COL15A1: variants seen among roughly 807,000 people sequenced by gnomAD.
COL15A1 encodes collagen alpha-1(XV) chain.
A neutral mutation model predicts 165.9 loss-of-function variants in COL15A1; 111 were observed. That is an observed-to-expected ratio of 0.67 (90% confidence interval 0.57 to 0.78). COL15A1 has a LOEUF of 0.78. COL15A1 is among the 30% of genes least tolerant of loss of function. COL15A1 has a pLI of 0.00. For synonymous variants in COL15A1, 659 were observed against 674.8 expected, an observed-to-expected ratio of 0.98 and a Z score of 0.36; for missense variants, 1,745 against 1,789.7, an observed-to-expected ratio of 0.98 and a Z score of 0.45.
chr9:98,989,771 GT>G (rs1360036037), intron 5 of COL15A1, among the ~76,000 whole-genome samples: 1 of 152,192 alleles, frequency 6.6e-6, no homozygotes, highest in African/African-American at 2.4e-5. Flanking sequence ...CCCCAGTCTT[GT>G]GAGTCACAGA....
In COL15A1 at chr9:99,041,039, C is replaced by G. The variant is rs1486277477; in HGVS notation, c.2511+483C>G. 1.2e-5 allele frequency: 2 copies of G among 166,822 alleles called. 1 individual carries two copies. Among genetic ancestry groups the G allele is most frequent in the East Asian group, 3.2e-4 (2 of 6,326 alleles). The allele number at this position is 166,822 out of a possible 1,614,324, so 10.3% of individuals were successfully genotyped here. On this transcript the variant is annotated intron_variant, in intron 23 of 41. Transcript: ENST00000375001. ...AAGACCTGGGGCACATTTCAGAGCA[C>G]ACTTTCCTCTAAATGAGTGGTCCTG...
intron 36 of COL15A1, among the ~76,000 whole-genome samples, chr9:99,060,237 TATA>T (rs1564093484): frequency 1.1e-5 from 1 of 89,588 alleles, no homozygotes; most frequent in African/African-American, 4.5e-5. Context: ...TATATTTTTA[TATA>T]TATATATATA....
chr9:99,062,992 C>T, intron 38 of COL15A1, 58 bp from the exon 39 acceptor site: 1 of 1,557,764 alleles, frequency 6.4e-7, no homozygotes, highest in South Asian at 1.2e-5. Context: ...TCAATACACT[C>T]TGAAGAACAG....
chr9:99,034,061 A>G (rs1395892649), intron 16 of COL15A1, among the ~76,000 whole-genome samples: 3 of 152,128 alleles, frequency 2.0e-5, no homozygotes, highest in African/African-American at 7.2e-5. Flanking sequence ...TCTTCTGGGG[A>G]CTACTCCAGC....
chr9:99,050,673 A>T (rs2117881578), intron 30 of COL15A1, among the ~76,000 whole-genome samples: 1 of 152,354 alleles, frequency 6.6e-6, no homozygotes, highest in Non-Finnish European at 1.5e-5. Context: ...TTGAGCACTT[A>T]TGCAGTGCTA....
chr9:98,943,921 C>T lies in COL15A1; in HGVS notation c.-141C>T, dbSNP rs1837529807. ...CGGGAGCCGGGATTCTGCCCGCCGC[C>T]GCCGCTGCCGAGCGCCGCCTTTGTT... On this transcript the variant is annotated 5_prime_UTR_variant, in exon 1 of 42. Coordinates refer to ENST00000375001, the MANE Select transcript of COL15A1 (RefSeq NM_001855.5). The T allele has an allele frequency of 8.8e-7, 1 of 1,140,258 alleles. No homozygotes were observed. Among genetic ancestry groups the T allele is most frequent in the Non-Finnish European group, 1.2e-6 (1 of 856,844 alleles). 70.6% of individuals were successfully genotyped at this position (1,140,258 alleles called of 1,614,324 possible).
At chr9:98,979,927 G>A (rs1220885657) in intron 2 of COL15A1, among the ~76,000 whole-genome samples, 1 of 152,110 alleles carries the variant, frequency 6.6e-6, no homozygotes, top group Non-Finnish European at 1.5e-5. Context: ...GGAGGCCGAG[G>A]CAGGAGAATC....
Position 99,013,702 on chromosome 9 carries a change from G to T in COL15A1, c.1354-1715G>T, listed in dbSNP as rs192838596. Among the ~76,000 whole-genome samples, 267 of 152,262 alleles carry T rather than the reference G, an allele frequency of 1.8e-3. 2 individuals are homozygous for T. The highest frequency in any genetic ancestry group is 6.3e-3 in the African/African-American group (262 of 41,548). The stretch of plus-strand genomic sequence containing the variant: ...TACCCCCAAAAGCCAAAGAGGTCAG[G>T]TCTTACAATACAGGAGAGCAGAGCT... On this transcript the variant is annotated intron_variant, in intron 9 of 41. Transcript: ENST00000375001.
intron 2 of COL15A1, among the ~76,000 whole-genome samples, chr9:98,966,029 T>A (rs1335706801): frequency 2.0e-5 from 3 of 152,164 alleles, no homozygotes; most frequent in East Asian, 3.9e-4. Flanking sequence ...GGTTGGAAAG[T>A]GGATGCTGGT....
In COL15A1 at chr9:99,062,087, G is replaced by GA. The variant is rs773041610; in HGVS notation, c.3525dup (p.Leu1176IlefsTer39). On this transcript the variant is annotated frameshift_variant, in exon 37 of 42. Coordinates refer to ENST00000375001, the MANE Select transcript of COL15A1 (RefSeq NM_001855.5). LOFTEE classifies it high-confidence loss of function. ...TTTTCATTCGTGTTAGAGATGGCTG[G>GA]AAAAAATTACAGGTAATTTCTAAAC... The GA allele has an allele frequency of 4.3e-6, 7 of 1,613,610 alleles. No individual in the cohort carries two copies. The Admixed American group carries it at 5.0e-5, about 12-fold the overall frequency.
chr9:99,058,230 G>T (rs777879921), intron 35 of COL15A1, among the ~76,000 whole-genome samples: 5 of 152,224 alleles, frequency 3.3e-5, no homozygotes, highest in South Asian at 4.1e-4. Context: ...GAAAAGTCCT[G>T]GGATGGGGAA....
intron 5 of COL15A1, among the ~76,000 whole-genome samples, chr9:98,992,149 G>A (rs1403047595): frequency 4.6e-5 from 7 of 152,270 alleles, no homozygotes; most frequent in South Asian, 2.1e-4. Context: ...AACAGCCGCC[G>A]CAGAGCAGGG....
chr9:98,948,544 G>T (rs1305318862), intron 2 of COL15A1, among the ~76,000 whole-genome samples: 1 of 144,006 alleles, frequency 6.9e-6, no homozygotes, highest in Non-Finnish European at 1.5e-5. Flanking sequence ...GTTGCAGTGA[G>T]CCAAGATCGC....
chr9:99,033,179 C>CTGAGACA (rs1448761734), intron 16 of COL15A1, among the ~76,000 whole-genome samples: 5 of 152,196 alleles, frequency 3.3e-5, no homozygotes, highest in African/African-American at 1.2e-4. Context: ...GTAGCCCCTT[C>CTGAGACA]TGAGACATGC....
rs1277411892 is a variant in COL15A1 at position 99,054,624 on chromosome 9, A to G, written c.2999A>G (p.Glu1000Gly). ...TGGGGTCTTCCTGGCTCAAAGGGAG[A>G]AAAAGGCGACCAGGGAGCCCAGGGA... ...GSWGLPGSKG[E>G]KGDQGAQGPP... Residue 1000 changes from glutamate to glycine, a missense_variant, in exon 32 of 42, where the codon GAA becomes GGA. By Grantham distance (98) the Glu-to-Gly change is moderately conservative. Coordinates refer to ENST00000375001, the MANE Select transcript of COL15A1 (RefSeq NM_001855.5). The G allele has an allele frequency of 1.2e-6, 2 of 1,611,316 alleles. No individual in the cohort carries two copies. The highest frequency in any genetic ancestry group is 2.7e-5 in the African/African-American group (2 of 74,736).
intron 19 of COL15A1, among the ~76,000 whole-genome samples, chr9:99,035,669 TTC>T (rs1162375284): frequency 6.6e-6 from 1 of 152,196 alleles, no homozygotes; most frequent in African/African-American, 2.4e-5. Context: ...CTTCATCTAT[TTC>T]TCTCTCTCCC....
At position 99,003,579 on chromosome 9, in the gene COL15A1, G is replaced by T. The variant is rs2118952460; in HGVS notation, c.1192G>T (p.Val398Phe). Residue 398 changes from valine (V) to phenylalanine (F), a missense_variant, in exon 8 of 42, where the codon GTC (valine) becomes TTC (phenylalanine). Physicochemically the swap from Val to Phe is conservative, Grantham distance 50 (BLOSUM62 -1). Transcript: ENST00000375001. ...GTCCACGGAGAACCCAGAGGAAGGG[G>T]TCACTCCAGTAAGTAGCTCAGAGCG... is the stretch of plus-strand genomic sequence containing the variant. The part of the protein sequence containing the change: ...SMSTENPEEG[V>F]TPGPDNEERL... 2 of 1,522,352 alleles carry T rather than the reference G, an allele frequency of 1.3e-6. No individual in the cohort carries two copies. Among genetic ancestry groups the T allele is most frequent in the Non-Finnish European group, 1.8e-6 (2 of 1,133,758 alleles). 94.3% of individuals were successfully genotyped at this position (1,522,352 alleles called of 1,614,324 possible). A position where few individuals can be genotyped will look rare whatever the true frequency, so the allele number is the denominator to read the frequency against.
At chr9:98,944,110 C>T (rs1837534557) in intron 1 of COL15A1, 38 bp downstream of exon 1, 1 of 1,614,040 alleles carries the variant, frequency 6.2e-7, no homozygotes, top group Non-Finnish European at 8.5e-7. Flanking sequence ...GTCCCGGGCC[C>T]CTCCAATACT....
chr9:99,059,181 C>G (rs1329838482), intron 35 of COL15A1, among the ~76,000 whole-genome samples: 1 of 152,130 alleles, frequency 6.6e-6, no homozygotes. Flanking sequence ...AAAGAGGGCA[C>G]TAACCTTGAT....
Sources: gnomAD v4.1 joint callset for allele counts (sites outside exome capture counted in the v4.1 genomes callset) on GRCh38, gnomAD v4.1.1 for gene constraint, MANE v1.5 for transcripts, NCBI Gene and HGNC (gene_info 2026-07-23, HGNC 2026-07-21) for gene names.